KLF12: variants seen among roughly 807,000 people sequenced by gnomAD.
KLF12 encodes KLF transcription factor 12.
KLF12 carries 9 observed loss-of-function variants against 37.8 expected under a neutral mutation model. The observed-to-expected ratio is 0.24, with a 90% CI of 0.14 to 0.42. The LOEUF (loss-of-function observed/expected upper bound fraction) is 0.42. Among genes scored for constraint, KLF12 ranks in the 10% least tolerant of loss-of-function variants. The pLI is 1.00. For missense variants in KLF12, 411 were observed against 516.0 expected, an observed-to-expected ratio of 0.80 and a Z score of 1.97; for synonymous variants, 208 against 202.1, an observed-to-expected ratio of 1.03 and a Z score of -0.25.
At chr13:73,835,151 G>T (rs1412311949) in intron 4 of KLF12, among the ~76,000 whole-genome samples, 1 of 151,400 alleles carries the variant, frequency 6.6e-6, no homozygotes. Context: ...GATAACTTAG[G>T]TCTCGAATTC....
At chr13:73,975,490 A>T (rs1178570583) in intron 2 of KLF12, among the ~76,000 whole-genome samples, 1 of 152,188 alleles carries the variant, frequency 6.6e-6, no homozygotes, top group Non-Finnish European at 1.5e-5. Context: ...AAGCTTAGGC[A>T]CAGCTAAAGA....
rs958471293 is a variant in KLF12, at chr13:73,853,893, A to C, written c.124-7520T>G. ...ACCATATAACTAGGGAATATACATC[A>C]CACTTGTTAGCTTGGAATATGGTGC... On this transcript the variant is annotated intron_variant, in intron 3 of 7. Transcript: ENST00000377669. Among the ~76,000 whole-genome samples, 14 of 152,330 alleles carry C rather than the reference A, an allele frequency of 9.2e-5. 1 individual carries two copies. Among genetic ancestry groups the C allele is most frequent in the Non-Finnish European group, 1.8e-4 (12 of 68,024 alleles).
chr13:73,808,435 C>A (rs1440473942), intron 5 of KLF12, among the ~76,000 whole-genome samples: 1 of 152,078 alleles, frequency 6.6e-6, no homozygotes, highest in Non-Finnish European at 1.5e-5. Flanking sequence ...AGTTCAAGCA[C>A]ACAGTTTAGT....
the KLF12 span, among the ~76,000 whole-genome samples, chr13:74,229,077 A>C: frequency 1.3e-5 from 2 of 152,140 alleles, no homozygotes; most frequent in Non-Finnish European, 2.9e-5. Context: ...ACTACCTTAA[A>C]CAGTAAGACA....
At chr13:73,879,330 T>C (rs1886869505) in intron 3 of KLF12, among the ~76,000 whole-genome samples, 1 of 152,216 alleles carries the variant, frequency 6.6e-6, no homozygotes, top group Non-Finnish European at 1.5e-5. Flanking sequence ...TGGTGAAGCC[T>C]TCCTTTATGA....
the KLF12 span, among the ~76,000 whole-genome samples, chr13:74,246,176 T>C: frequency 6.6e-6 from 1 of 152,228 alleles, no homozygotes; most frequent in African/African-American, 2.4e-5. Context: ...GATCGGCTTC[T>C]GTTAAAAGTG....
intron 1 of KLF12, among the ~76,000 whole-genome samples, chr13:74,010,872 T>C (rs1461824540): frequency 6.6e-6 from 1 of 152,224 alleles, no homozygotes. Flanking sequence ...GACTGGTTCA[T>C]GGTTTTTCAA....
intron 2 of KLF12, among the ~76,000 whole-genome samples, chr13:73,958,345 G>A (rs11838749): frequency 0.3 from 45,137 of 151,696 alleles, 6,866 homozygotes; most frequent in Middle Eastern, 0.41. Flanking sequence ...CTGGGTTCAA[G>A]TGATTCTACT....
intron 1 of KLF12, among the ~76,000 whole-genome samples, chr13:74,011,152 C>T (rs1054914788): frequency 7.0e-6 from 1 of 142,336 alleles, no homozygotes; most frequent in Non-Finnish European, 1.6e-5. Context: ...TCAACAAATA[C>T]TTAAACTCCT....
intron 2 of KLF12, among the ~76,000 whole-genome samples, chr13:73,954,239 A>C (rs1392520082): frequency 6.6e-6 from 1 of 151,880 alleles, no homozygotes. Flanking sequence ...GGGCCTCCCA[A>C]AGTGCTGGGA....
chr13:74,167,512 T>C, the KLF12 span, among the ~76,000 whole-genome samples: 1 of 152,246 alleles, frequency 6.6e-6, no homozygotes, highest in African/African-American at 2.4e-5. Context: ...CTCCACATCA[T>C]AAAAATTTTG....
At chr13:74,140,917 G>A in the KLF12 span, among the ~76,000 whole-genome samples, 7 of 143,990 alleles carry the variant, frequency 4.9e-5, no homozygotes, top group Non-Finnish European at 7.6e-5. Context: ...TTAGCCAGGC[G>A]TGGTGGCAGG....
chr13:73,909,159 C>T (rs994659162), intron 3 of KLF12, among the ~76,000 whole-genome samples: 3 of 152,116 alleles, frequency 2.0e-5, no homozygotes, highest in Non-Finnish European at 4.4e-5. Flanking sequence ...TTTGAAGGTG[C>T]ACCTAAAAGA....
intron 1 of KLF12, among the ~76,000 whole-genome samples, chr13:74,107,538 G>A (rs546883329): frequency 2.0e-5 from 3 of 152,316 alleles, no homozygotes; most frequent in East Asian, 1.9e-4. Context: ...CTCTCTCACC[G>A]TGTGTGTATT....
intron 4 of KLF12, among the ~76,000 whole-genome samples, chr13:73,833,780 G>T (rs1184757802): frequency 2.0e-5 from 3 of 152,124 alleles, no homozygotes; most frequent in African/African-American, 7.2e-5. Context: ...TGGTGGAATG[G>T]CAACAGACTG....
intron 3 of KLF12, among the ~76,000 whole-genome samples, chr13:73,940,347 G>A (rs185255839): frequency 1.6e-4 from 25 of 152,266 alleles, no homozygotes; most frequent in African/African-American, 5.8e-4. Context: ...CGACAAGCAA[G>A]AAAACCGAAG....
At chr13:73,942,909 G>T (rs1890251559) in intron 3 of KLF12, among the ~76,000 whole-genome samples, 1 of 152,142 alleles carries the variant, frequency 6.6e-6, no homozygotes, top group Admixed American at 6.6e-5. Flanking sequence ...GCTATGTGAT[G>T]CTCAGGTATG....
chr13:73,890,717 A>T (rs1353770346), intron 3 of KLF12, among the ~76,000 whole-genome samples: 1 of 147,448 alleles, frequency 6.8e-6, no homozygotes, highest in Non-Finnish European at 1.5e-5. Context: ...AGATAAGTTT[A>T]AAAAAAAAAA....
intron 4 of KLF12, among the ~76,000 whole-genome samples, chr13:73,830,007 G>C (rs1884066532): frequency 6.6e-6 from 1 of 152,156 alleles, no homozygotes; most frequent in Non-Finnish European, 1.5e-5. Context: ...TAAGTATGAA[G>C]GACTTATCAT....
Sources: allele counts gnomAD v4.1 joint callset (sites outside exome capture counted in the v4.1 genomes callset), GRCh38; gene constraint gnomAD v4.1.1; transcripts MANE v1.5; gene names NCBI Gene and HGNC (gene_info 2026-07-23, HGNC 2026-07-21).